The following NFASC variants were observed in gnomAD, a reference collection of about 807,000 sequenced individuals.
NFASC encodes the protein neurofascin homolog.
Under a neutral mutation model 147.5 loss-of-function variants are expected in NFASC, and 43 were observed. The ratio of observed to expected loss-of-function variants is 0.29; its 90% CI spans 0.23 to 0.38. NFASC has a LOEUF of 0.38. Ranked by LOEUF, NFASC falls within the 10% of genes least tolerant of loss-of-function variation. The pLI is 1.00. For missense variants in NFASC, 1,320 were observed against 1,689.0 expected (o/e 0.78, Z 3.83); for synonymous variants, 622 against 665.5 (o/e 0.93, Z 1.01).
chr1:204,870,895 C>T (rs1215540326), intron 1 of NFASC: 3 of 1,203,572 alleles, frequency 2.5e-6, no homozygotes, highest in Non-Finnish European at 3.2e-6. Context: ...TGTGTTTTCT[C>T]TGAGGCCAAC....
chr1:204,977,575 A>T (rs954171480), intron 16 of NFASC, 106 bp from the exon 17 acceptor site: 8 of 992,626 alleles, frequency 8.1e-6, no homozygotes, highest in Admixed American at 2.0e-5. Flanking sequence ...AGAACACCTC[A>T]GCCCAGAGGC....
chr1:204,945,765 G>A (rs765433770), intron 3 of NFASC, among the ~76,000 whole-genome samples: 5 of 152,344 alleles, frequency 3.3e-5, no homozygotes, highest in Admixed American at 6.5e-5. Context: ...AGGCTGGCTC[G>A]AGGAGAGTTT....
chr1:204,906,895 G>C (rs917398579), intron 1 of NFASC, among the ~76,000 whole-genome samples: 11 of 152,122 alleles, frequency 7.2e-5, no homozygotes, highest in Non-Finnish European at 1.3e-4. Flanking sequence ...ATGTTAGCCA[G>C]GATGGTCTGC....
chr1:204,847,676 C>T (rs1240686724), intron 1 of NFASC, among the ~76,000 whole-genome samples: 1 of 152,180 alleles, frequency 6.6e-6, no homozygotes, highest in Non-Finnish European at 1.5e-5. Context: ...TGCCATTCCC[C>T]CTCCTCTACC....
At chr1:205,003,521 C>T (rs2096041409) in intron 27 of NFASC, among the ~76,000 whole-genome samples, 1 of 152,138 alleles carries the variant, frequency 6.6e-6, no homozygotes, top group Non-Finnish European at 1.5e-5. Context: ...ACTCCCTGGT[C>T]TGAGTGAGTG....
In NFASC at chr1:204,828,792, C is replaced by A. The variant is rs1229751806; in HGVS notation, c.-200+10C>A. 1.0e-6 allele frequency: 1 copy of A among 985,198 alleles called. No homozygotes were observed. Among genetic ancestry groups the A allele is most frequent in the Non-Finnish European group, 1.2e-6 (1 of 829,874 alleles). The allele number at this position is 985,198 out of a possible 1,614,324, so 61.0% of individuals were successfully genotyped here. ...GCCCGAGCCCTTGGAGGTAGGCGAG[C>A]GCGAACACCGGAGAGATGGGGGTAG... On this transcript the variant is annotated intron_variant, in intron 1 of 29. Transcript: ENST00000339876.
rs914499912 is a variant in NFASC at position 204,987,980 on chromosome 1, C to T, written c.2593+440C>T. Among the ~76,000 whole-genome samples the T allele has an allele frequency of 2.6e-5, 4 of 152,118 alleles. No homozygotes were observed. Among genetic ancestry groups the T allele is most frequent in the Middle Eastern group, 3.2e-3 (1 of 314 alleles). ...TAAGGCAGCTGCATGTAGAGCTGCC[C>T]GGTGACTGTGGGGTGACCCGAATCA... is the stretch of plus-strand genomic sequence containing the variant. On this transcript the variant is annotated intron_variant, in intron 22 of 29. Coordinates refer to ENST00000339876, the MANE Select transcript of NFASC (RefSeq NM_001005388.3). The surrounding 1 kb of genome is among the most constrained non-coding windows in gnomAD (Gnocchi z 4.4).
In NFASC at chr1:204,926,097, C is replaced by CT. The variant is rs751071394; in HGVS notation, c.-91+5369dup. ...GACATACAAGATCTTAGCCCTAGGT[C>CT]TTTTTTTTTTTTAATTAACCAATCT... On this transcript the variant is annotated intron_variant, in intron 2 of 29. Coordinates refer to ENST00000339876, the MANE Select transcript of NFASC (RefSeq NM_001005388.3). 9.5e-3 allele frequency among the ~76,000 whole-genome samples: 1,354 copies of CT among 143,094 alleles called. 10 individuals are homozygous for CT. The highest frequency in any genetic ancestry group is 0.013 in the Non-Finnish European group (832 of 65,228). 93.9% of individuals were successfully genotyped at this position (143,094 alleles called of 152,430 possible).
intron 1 of NFASC, among the ~76,000 whole-genome samples, chr1:204,899,675 G>A (rs923062286): frequency 6.6e-6 from 1 of 152,190 alleles, no homozygotes; most frequent in African/African-American, 2.4e-5. Context: ...AGAACTTGAG[G>A]TCTTCTGAAA....
intron 3 of NFASC, 127 bp from the exon 4 acceptor site, chr1:204,950,430 C>A: frequency 2.4e-6 from 2 of 845,514 alleles, no homozygotes; most frequent in Non-Finnish European, 3.9e-6. Context: ...GCCCTGTGCT[C>A]AGCGCCCTCC....
intron 3 of NFASC, among the ~76,000 whole-genome samples, chr1:204,950,059 A>C (rs547299226): frequency 1.3e-5 from 2 of 152,366 alleles, no homozygotes; most frequent in South Asian, 4.1e-4. Context: ...CAAGGAGAGA[A>C]GGTGTCGTGG....
In NFASC at chr1:205,017,190, C is replaced by T. The variant is rs2096369012; in HGVS notation, c.*651C>T. ...GTCAGTTGCTGAGCTGGGCTTGGCT[C>T]CTTTCTGGAAAATGACAGTATTTTT... is the stretch of plus-strand genomic sequence containing the variant. On this transcript the variant is annotated 3_prime_UTR_variant, in exon 30 of 30. Transcript: ENST00000339876. The T allele has an allele frequency of 6.2e-6, 1 of 162,096 alleles. No individual in the cohort carries two copies. Among genetic ancestry groups the T allele is most frequent in the African/African-American group, 2.4e-5 (1 of 41,628 alleles). 10.0% of individuals were successfully genotyped at this position (162,096 alleles called of 1,614,324 possible).
rs769331047 is a variant in NFASC at position 205,001,161 on chromosome 1, G to C, written c.3020-9G>C. 2 of 1,565,416 alleles carry C rather than the reference G, an allele frequency of 1.3e-6. No individual in the cohort carries two copies. Among genetic ancestry groups the C allele is most frequent in the South Asian group, 1.1e-5 (1 of 87,634 alleles). Reference sequence around the variant, plus strand: ...TCATCACTAACCCCTTTTCTAACCCGTCCACCAGCCCCTGATGAGCAGTCC... The same window carrying C: ...TCATCACTAACCCCTTTTCTAACCCCTCCACCAGCCCCTGATGAGCAGTCC... On this transcript the variant is annotated splice_polypyrimidine_tract_variant and intron_variant, in intron 25 of 29. Transcript: ENST00000339876.
chr1:204,938,417 A>G (rs767859506), intron 2 of NFASC, among the ~76,000 whole-genome samples: 9 of 152,224 alleles, frequency 5.9e-5, no homozygotes, highest in East Asian at 3.8e-4. Flanking sequence ...AGTGTTTTAC[A>G]TAGGAATTGT....
chr1:204,975,459 G>A lies in NFASC; in HGVS notation c.1706+41G>A, dbSNP rs2095377942. The A allele has an allele frequency of 6.3e-7, 1 of 1,585,644 alleles. No homozygotes were observed. Among genetic ancestry groups the A allele is most frequent in the Non-Finnish European group, 8.6e-7 (1 of 1,159,122 alleles). ...TCCCCCTTCCTAGTGCTAGTTTGAG[G>A]CGCATTTTCTTTTCCCTTGCTGTTG... is the stretch of plus-strand genomic sequence containing the variant. On this transcript the variant is annotated intron_variant, in intron 15 of 29. Transcript: ENST00000339876. The surrounding 1 kb of genome is among the most constrained non-coding windows in gnomAD (Gnocchi z 4.0).
At chr1:204,939,930 T>C (rs2595965) in intron 2 of NFASC, among the ~76,000 whole-genome samples, 26,048 of 152,176 alleles carry the variant, frequency 0.17, 3,030 homozygotes, top group African/African-American at 0.33. Context: ...GGTGGATTCA[T>C]TCCTTCCTTT....
chr1:204,992,756 T>C (rs913584654), intron 24 of NFASC, among the ~76,000 whole-genome samples: 2 of 152,210 alleles, frequency 1.3e-5, no homozygotes, highest in Admixed American at 1.3e-4. Context: ...ACCTCCCCTG[T>C]TCTGGCACCC....
In NFASC at chr1:204,864,051, A is replaced by G. The variant is rs554025401; in HGVS notation, c.-200+35269A>G. The stretch of plus-strand genomic sequence containing the variant: ...TTATCTACTCCTCCCAGCCTTTGGT[A>G]ATCTTGAATCTACTCTCTGTCTCTA... On this transcript the variant is annotated intron_variant, in intron 1 of 29. Transcript: ENST00000339876. 4.6e-5 allele frequency among the ~76,000 whole-genome samples: 7 copies of G among 152,280 alleles called. No individual in the cohort carries two copies. In the South Asian group the frequency reaches 1.5e-3, roughly 32 times the overall value.
In NFASC at chr1:204,975,461, G is replaced by A. The variant is rs188911870; in HGVS notation, c.1706+43G>A. 5.7e-5 allele frequency: 90 copies of A among 1,582,328 alleles called. No homozygotes were observed. The African/African-American group carries it at 7.0e-4, about 12-fold the overall frequency. The stretch of plus-strand genomic sequence containing the variant: ...CCCCTTCCTAGTGCTAGTTTGAGGC[G>A]CATTTTCTTTTCCCTTGCTGTTGGT... On this transcript the variant is annotated intron_variant, in intron 15 of 29. Coordinates refer to ENST00000339876, the MANE Select transcript of NFASC (RefSeq NM_001005388.3). The surrounding 1 kb of genome is among the most constrained non-coding windows in gnomAD (Gnocchi z 4.0).
Sources: gnomAD v4.1 joint callset for allele counts (sites outside exome capture counted in the v4.1 genomes callset) on GRCh38, gnomAD v4.1.1 for gene constraint, Gnocchi (gnomAD v3.1) non-coding constraint, MANE v1.5 for transcripts, NCBI Gene and HGNC (gene_info 2026-07-23, HGNC 2026-07-21) for gene names.